ICA1L: variants seen among roughly 807,000 people sequenced by gnomAD.
ICA1L encodes the protein islet cell autoantigen 1-like protein.
A neutral mutation model predicts 61.3 loss-of-function variants in ICA1L; 50 were observed. The ratio of observed to expected loss-of-function variants is 0.82; its 90% confidence interval spans 0.65 to 1.03. The LOEUF (loss-of-function observed/expected upper bound fraction) is 1.03. Among genes scored for constraint, ICA1L ranks in the 50% least tolerant of loss-of-function variants. The pLI, the probability that ICA1L is intolerant of heterozygous loss-of-function variation, is 0.00. For missense variants in ICA1L, 508 were observed against 556.7 expected, an observed-to-expected ratio of 0.91 and a Z score of 0.88; for synonymous variants, 161 against 191.3, an observed-to-expected ratio of 0.84 and a Z score of 1.31.
intron 2 of ICA1L, among the ~76,000 whole-genome samples, chr2:202,827,707 C>T (rs576165613): frequency 2.0e-5 from 3 of 152,132 alleles, no homozygotes; most frequent in Non-Finnish European, 4.4e-5. Flanking sequence ...TTAAAACATA[C>T]AACACCAATA....
chr2:202,773,723 G>T lies in ICA1L; in HGVS notation c.*5810C>A. On this transcript the variant is annotated 3_prime_UTR_variant, in exon 13 of 13. Transcript: ENST00000358299. Reference sequence around the variant, plus strand: ...CAGCATATTGACTCTAGTTGCATCAGTTATGCATGAAGAGTTTAATAACCA... The same window carrying T: ...CAGCATATTGACTCTAGTTGCATCATTTATGCATGAAGAGTTTAATAACCA... The T allele has an allele frequency of 1.7e-6, 2 of 1,169,668 alleles. No individual in the cohort carries two copies. The highest frequency in any genetic ancestry group is 2.0e-4 in the Middle Eastern group (1 of 5,110). The allele number at this position is 1,169,668 out of a possible 1,614,324, so 72.5% of individuals were successfully genotyped here.
chr2:202,820,405 C>T (rs189787124), intron 4 of ICA1L, among the ~76,000 whole-genome samples: 21 of 152,134 alleles, frequency 1.4e-4, no homozygotes, highest in Admixed American at 6.5e-4. Flanking sequence ...TACACCTCCT[C>T]CCTTGTTACT....
At chr2:202,821,919 C>T (rs1317587042) in intron 3 of ICA1L, among the ~76,000 whole-genome samples, 2 of 152,166 alleles carry the variant, frequency 1.3e-5, no homozygotes, top group Non-Finnish European at 2.9e-5. Context: ...TGCTCGGTAT[C>T]GCAGACTCAC....
At chr2:202,841,838 C>A (rs894573243) in intron 1 of ICA1L, 13 of 282,442 alleles carry the variant, frequency 4.6e-5, no homozygotes, top group African/African-American at 2.9e-4. Context: ...CCAGAAGGAG[C>A]AGGGAAGCTG....
intron 10 of ICA1L, among the ~76,000 whole-genome samples, chr2:202,794,557 G>A (rs1692858572): frequency 6.6e-6 from 1 of 151,730 alleles, no homozygotes; most frequent in African/African-American, 2.4e-5. Context: ...AATTAAACAA[G>A]AGAAATCTAT....
intron 10 of ICA1L, among the ~76,000 whole-genome samples, chr2:202,790,910 G>A (rs1692727396): frequency 6.6e-6 from 1 of 152,238 alleles, no homozygotes; most frequent in African/African-American, 2.4e-5. Context: ...CTTGCAGGGA[G>A]TGAGGGAGAA....
rs1316596349 is a variant in ICA1L at position 202,779,598 on chromosome 2, C to G, written c.1384G>C (p.Asp462His). The change falls in exon 13 of 13, where the codon GAC (aspartate) becomes CAC (histidine). Residue 462 changes from aspartate (D) to histidine (H), a missense_variant. Coordinates refer to ENST00000358299, the MANE Select transcript of ICA1L (RefSeq NM_001288622.3). ...TCTGGGTTTGAAAGTGGATCCAAGT[C>G]TGCAAACAGATTGAACCAGGCTGAC... ...DMSAWFNLFA[D>H]LDPLSNPDAI... 1.9e-6 allele frequency: 3 copies of G among 1,613,408 alleles called. No individual in the cohort carries two copies. The highest frequency in any genetic ancestry group is 8.5e-7 in the Non-Finnish European group (1 of 1,179,904).
intron 1 of ICA1L, among the ~76,000 whole-genome samples, chr2:202,838,804 T>G (rs898175303): frequency 6.6e-6 from 1 of 152,192 alleles, no homozygotes; most frequent in South Asian, 2.1e-4. Context: ...GTACAGGAAG[T>G]ACGGTGCTAG....
rs552469415 is a variant in ICA1L, at chr2:202,865,256, G to A, written c.-8+6363C>T. On this transcript the variant is annotated intron_variant, in intron 1 of 12. Transcript: ENST00000358299. ...GGCCGAGGCGGGCGGGTCACTTGAG[G>A]TCAGGGGTTCAAGAGCAGCCTAGCC... is the stretch of plus-strand genomic sequence containing the variant. 5.7e-4 allele frequency among the ~76,000 whole-genome samples: 87 copies of A among 151,868 alleles called. 1 individual carries two copies. The highest frequency in any genetic ancestry group is 1.5e-3 in the South Asian group (7 of 4,810).
chr2:202,814,306 G>A (rs1559135888), intron 8 of ICA1L, among the ~76,000 whole-genome samples: 1 of 152,060 alleles, frequency 6.6e-6, no homozygotes, highest in African/African-American at 2.4e-5. Flanking sequence ...ACTCTCATGA[G>A]ATTGGATTAG....
intron 9 of ICA1L, among the ~76,000 whole-genome samples, chr2:202,804,140 G>A (rs563386013): frequency 4.6e-5 from 7 of 152,166 alleles, no homozygotes; most frequent in Non-Finnish European, 1.0e-4. Context: ...TATTTGTGCT[G>A]GACATGCTTA....
intron 5 of ICA1L, 26 bp from the exon 6 acceptor site, chr2:202,817,569 T>C (rs758836494): frequency 7.2e-7 from 1 of 1,384,356 alleles, no homozygotes; most frequent in South Asian, 1.2e-5. Flanking sequence ...TAATTTTTAT[T>C]ACAGATATAT....
At chr2:202,845,670 A>G (rs1168127623) in intron 1 of ICA1L, among the ~76,000 whole-genome samples, 1 of 151,954 alleles carries the variant, frequency 6.6e-6, no homozygotes, top group African/African-American at 2.4e-5. Flanking sequence ...TACACTATAC[A>G]GTATTTAAAT....
chr2:202,779,668 AT>A lies in ICA1L; in HGVS notation c.1334-21del, dbSNP rs1692333324. ...TGGGGGCTATTAAAAAAGAAAAAAA[AT>A]ACATTAAAGAGATTCAGTTTTGAAA... On this transcript the variant is annotated intron_variant, in intron 12 of 12. Transcript: ENST00000358299. 1 of 1,379,452 alleles carries A rather than the reference AT, an allele frequency of 7.2e-7. No individual in the cohort carries two copies. The highest frequency in any genetic ancestry group is 1.0e-6 in the Non-Finnish European group (1 of 975,646). The allele number at this position is 1,379,452 out of a possible 1,614,324, so 85.5% of individuals were successfully genotyped here.
intron 1 of ICA1L, among the ~76,000 whole-genome samples, chr2:202,847,473 CT>C (rs992776970): frequency 6.6e-6 from 1 of 151,700 alleles, no homozygotes; most frequent in African/African-American, 2.4e-5. Flanking sequence ...AACCTAAGAA[CT>C]TTTTTTTATT....
At chr2:202,789,164 T>C in intron 10 of ICA1L, 77 bp from the exon 11 acceptor site, 1 of 1,194,342 alleles carries the variant, frequency 8.4e-7, no homozygotes, top group Non-Finnish European at 1.2e-6. Context: ...TGAATCAAAT[T>C]TGTTTCATTG....
chr2:202,793,527 A>AAT (rs1692822620), intron 10 of ICA1L, among the ~76,000 whole-genome samples: 1 of 135,398 alleles, frequency 7.4e-6, no homozygotes, highest in African/African-American at 2.7e-5. Context: ...AAAAAAAAAA[A>AAT]ATTAGCCAGG....
chr2:202,838,839 G>A (rs905803354), intron 1 of ICA1L, among the ~76,000 whole-genome samples: 2 of 152,164 alleles, frequency 1.3e-5, no homozygotes, highest in African/African-American at 4.8e-5. Context: ...AGGCCTCAGG[G>A]AGCTTTTCCT....
rs148874980 is a variant in ICA1L, at chr2:202,815,915, A to G, written c.779T>C (p.Leu260Pro). ...AGAACATGGAACACAATGTACCTTGAGAGCTACAAAATCATACGGATGAAA... is the reference window on the plus strand; with the variant it reads ...AGAACATGGAACACAATGTACCTTGGGAGCTACAAAATCATACGGATGAAA... ...IGFHPYDFVA[L>P]KQLQDTPSKI... Residue 260 changes from leucine to proline, a missense_variant, in exon 7 of 13, where the codon CTC (leucine) becomes CCC (proline). Leu to Pro is a moderately conservative substitution (Grantham distance 98). Coordinates refer to ENST00000358299, the MANE Select transcript of ICA1L (RefSeq NM_001288622.3). The G allele has an allele frequency of 8.9e-4, 1,399 of 1,569,168 alleles. 2 individuals are homozygous for G. The highest frequency in any genetic ancestry group is 1.1e-3 in the Non-Finnish European group (1,220 of 1,154,250).
Sources: allele counts gnomAD v4.1 joint callset (sites outside exome capture counted in the v4.1 genomes callset), GRCh38; gene constraint gnomAD v4.1.1; transcripts MANE v1.5; gene names NCBI Gene and HGNC (gene_info 2026-07-23, HGNC 2026-07-21).